The following HYCC1 variants were observed in gnomAD, a reference collection of about 807,000 sequenced individuals.
HYCC1 encodes the protein hyccin.
At chr7:22,985,118 T>C in the HYCC1 span, among the ~76,000 whole-genome samples, 1,514 of 152,326 alleles carry the variant, frequency 9.9e-3, 26 homozygotes, top group African/African-American at 0.033. Context: ...CTTCAGTCAG[T>C]CATTGCCAAT....
the HYCC1 span, among the ~76,000 whole-genome samples, chr7:22,975,767 A>T: frequency 6.6e-6 from 1 of 152,106 alleles, no homozygotes; most frequent in Non-Finnish European, 1.5e-5. Flanking sequence ...CCCAGACTGG[A>T]GTGCAGTGGT....
chr7:22,916,899 T>C, the HYCC1 span, among the ~76,000 whole-genome samples: 2 of 152,198 alleles, frequency 1.3e-5, no homozygotes, highest in Admixed American at 6.5e-5. Flanking sequence ...TGACTGTAAA[T>C]ATGCCTTCCA....
chr7:23,001,557 T>A, the HYCC1 span, among the ~76,000 whole-genome samples: 3 of 152,268 alleles, frequency 2.0e-5, no homozygotes, highest in Admixed American at 2.0e-4. Flanking sequence ...AGTAAATTAT[T>A]CAGATGATTG....
the HYCC1 span, among the ~76,000 whole-genome samples, chr7:23,006,117 A>C: frequency 2.0e-5 from 3 of 152,176 alleles, no homozygotes; most frequent in Admixed American, 6.5e-5. Context: ...GATTGTCCCC[A>C]TAGGAAGGGA....
At chr7:22,972,580 T>A in the HYCC1 span, among the ~76,000 whole-genome samples, 1 of 152,238 alleles carries the variant, frequency 6.6e-6, no homozygotes, top group South Asian at 2.1e-4. Context: ...AGAAATCATT[T>A]CCTCAAACTT....
the HYCC1 span, chr7:22,937,237 G>A: frequency 6.6e-6 from 1 of 151,792 alleles, no homozygotes; most frequent in Non-Finnish European, 1.5e-5. Flanking sequence ...TGCATGATAG[G>A]CTTTCAGTAG....
At chr7:22,958,967 T>G in the HYCC1 span, among the ~76,000 whole-genome samples, 1 of 152,132 alleles carries the variant, frequency 6.6e-6, no homozygotes, top group Non-Finnish European at 1.5e-5. Flanking sequence ...GTGCCTGTTC[T>G]CACACATTAA....
chr7:22,960,176 G>T, the HYCC1 span: 1 of 1,406,784 alleles, frequency 7.1e-7, no homozygotes, highest in Non-Finnish European at 1.0e-6. Flanking sequence ...ACTGAAGTTA[G>T]AAGTTATAGC....
chr7:22,990,777 G>A, the HYCC1 span, among the ~76,000 whole-genome samples: 3 of 152,128 alleles, frequency 2.0e-5, no homozygotes, highest in African/African-American at 7.2e-5. Context: ...ATGGTCGCTG[G>A]AGAATGACAT....
chr7:22,933,123 C>T, the HYCC1 span, among the ~76,000 whole-genome samples: 2,442 of 152,248 alleles, frequency 0.016, 68 homozygotes, highest in African/African-American at 0.056. Context: ...CCTTCAGAAC[C>T]ATGAGAGAAT....
chr7:23,000,595 T>A, the HYCC1 span, among the ~76,000 whole-genome samples: 1 of 152,216 alleles, frequency 6.6e-6, no homozygotes, highest in East Asian at 1.9e-4. Flanking sequence ...ACACTATTAC[T>A]ATTATATTTA....
chr7:22,920,801 T>C, the HYCC1 span, among the ~76,000 whole-genome samples: 2 of 152,182 alleles, frequency 1.3e-5, no homozygotes, highest in Non-Finnish European at 2.9e-5. Flanking sequence ...TGATTCTCAA[T>C]GTTGGAGGTG....
At chr7:22,989,534 T>A in the HYCC1 span, among the ~76,000 whole-genome samples, 45 of 152,054 alleles carry the variant, frequency 3.0e-4, no homozygotes, top group Admixed American at 1.4e-3. Flanking sequence ...TTATTTTTTT[T>A]TTTTGGAGAG....
At chr7:22,993,914 C>T in the HYCC1 span, among the ~76,000 whole-genome samples, 1 of 152,110 alleles carries the variant, frequency 6.6e-6, no homozygotes, top group Non-Finnish European at 1.5e-5. Flanking sequence ...TAATACTCAA[C>T]AGAAATGAGG....
At chr7:23,001,661 C>A in the HYCC1 span, among the ~76,000 whole-genome samples, 1 of 152,054 alleles carries the variant, frequency 6.6e-6, no homozygotes, top group Non-Finnish European at 1.5e-5. Context: ...CCAGCTCTGC[C>A]ACTTGCTAGC....
chr7:23,013,782 A>G, the HYCC1 span: 1 of 353,526 alleles, frequency 2.8e-6, no homozygotes, highest in Non-Finnish European at 5.7e-6. Context: ...GGGAGCCGTT[A>G]CCCCCAGTGG....
At chr7:22,945,365 G>A in the HYCC1 span, 1 of 571,844 alleles carries the variant, frequency 1.7e-6, no homozygotes, top group East Asian at 2.9e-5. Flanking sequence ...GGAAAAAAAA[G>A]ACTCAAACCA....
the HYCC1 span, among the ~76,000 whole-genome samples, chr7:23,000,161 A>T: frequency 6.6e-6 from 1 of 152,050 alleles, no homozygotes; most frequent in African/African-American, 2.4e-5. Flanking sequence ...ATAAATAATC[A>T]TCCTTCTCAC....
chr7:22,930,347 TAAAAAA>T, the HYCC1 span, among the ~76,000 whole-genome samples: 127 of 114,998 alleles, frequency 1.1e-3, no homozygotes, highest in African/African-American at 3.9e-3. Flanking sequence ...GTATAATAAT[TAAAAAA>T]AAAAAAGAAT....
Sources: gnomAD v4.1 joint callset for allele counts (sites outside exome capture counted in the v4.1 genomes callset) on GRCh38, gnomAD v4.1.1 for gene constraint, MANE v1.5 for transcripts, NCBI Gene and HGNC (gene_info 2026-07-23, HGNC 2026-07-21) for gene names.